Variants in MAGI1 observed in about 807,000 individuals in gnomAD.
MAGI1 encodes membrane-associated guanylate kinase, WW and PDZ domain-containing protein 1.
MAGI1 carries 58 observed loss-of-function variants against 139.9 expected under a neutral mutation model. The observed-to-expected ratio is 0.41, with a 90% CI of 0.34 to 0.52. The LOEUF is 0.52. Ranked by LOEUF, MAGI1 falls within the 20% of genes least tolerant of loss-of-function variation. MAGI1 has a pLI of 0.12. For missense variants in MAGI1, 1,874 were observed against 1,901.6 expected, an observed-to-expected ratio of 0.99 and a Z score of 0.27; for synonymous variants, 812 against 737.9, an observed-to-expected ratio of 1.10 and a Z score of -1.63.
At chr3:66,029,985 T>G (rs1478507341) in intron 1 of MAGI1, among the ~76,000 whole-genome samples, 1 of 152,154 alleles carries the variant, frequency 6.6e-6, no homozygotes, top group Non-Finnish European at 1.5e-5. Flanking sequence ...ACTCAATTAA[T>G]TTTAAAGTCA....
intron 1 of MAGI1, among the ~76,000 whole-genome samples, chr3:65,838,490 T>C (rs2058702323): frequency 1.3e-5 from 2 of 152,248 alleles, no homozygotes. Flanking sequence ...ATACAATATA[T>C]GACCTTTAGA....
intron 4 of MAGI1, among the ~76,000 whole-genome samples, chr3:65,472,702 C>G (rs1366176295): frequency 6.6e-6 from 1 of 152,144 alleles, no homozygotes; most frequent in African/African-American, 2.4e-5. Context: ...GCCAGAGATG[C>G]AAATGAGACG....
intron 1 of MAGI1, among the ~76,000 whole-genome samples, chr3:65,769,078 T>G (rs116718096): frequency 0.031 from 4,695 of 152,300 alleles, 95 homozygotes; most frequent in African/African-American, 0.046. Flanking sequence ...AAATGCCTTT[T>G]TAAAAAAATT....
intron 16 of MAGI1, among the ~76,000 whole-genome samples, chr3:65,381,287 G>A (rs1943028979): frequency 2.0e-5 from 3 of 152,086 alleles, no homozygotes; most frequent in Admixed American, 2.0e-4. Context: ...AATTTCCAAG[G>A]GAAGAAAGTT....
chr3:66,038,417 C>T lies in MAGI1; in HGVS notation c.-109G>A. On this transcript the variant is annotated 5_prime_UTR_variant, in exon 1 of 23. Transcript: ENST00000402939. ...ATGGGAGAAACATCTCTCCCCAAAT[C>T]ACAAAACAGGAGAGAGAAACTTGGC... 1 of 1,423,064 alleles carries T rather than the reference C, an allele frequency of 7.0e-7. No homozygotes were observed. The highest frequency in any genetic ancestry group is 9.3e-7 in the Non-Finnish European group (1 of 1,075,438). The allele number at this position is 1,423,064 out of a possible 1,614,324, so 88.2% of individuals were successfully genotyped here.
At chr3:65,640,332 T>C (rs1324605643) in intron 1 of MAGI1, among the ~76,000 whole-genome samples, 1 of 152,178 alleles carries the variant, frequency 6.6e-6, no homozygotes, top group African/African-American at 2.4e-5. Context: ...TTAATGAATA[T>C]TGCTGGAATG....
chr3:65,816,110 C>T (rs1243078173), intron 1 of MAGI1, among the ~76,000 whole-genome samples: 3 of 152,094 alleles, frequency 2.0e-5, no homozygotes, highest in Non-Finnish European at 2.9e-5. Context: ...CGAGCCCCCT[C>T]CCCCTCCCAA....
At chr3:65,430,219 C>A in intron 11 of MAGI1, 79 bp from the exon 12 acceptor site, 1 of 1,440,588 alleles carries the variant, frequency 6.9e-7, no homozygotes, top group Non-Finnish European at 9.6e-7. Context: ...CTCCCACTAA[C>A]ATAAAGCTGA....
At chr3:65,733,313 G>A (rs2034383442) in intron 1 of MAGI1, among the ~76,000 whole-genome samples, 1 of 152,154 alleles carries the variant, frequency 6.6e-6, no homozygotes, top group South Asian at 2.1e-4. Context: ...GCCCACCTCA[G>A]CCTCCCAAAG....
chr3:65,954,152 C>T (rs1266288652), intron 1 of MAGI1, among the ~76,000 whole-genome samples: 1 of 152,108 alleles, frequency 6.6e-6, no homozygotes, highest in African/African-American at 2.4e-5. Flanking sequence ...AGGCCTGGAT[C>T]GTTCTCAGAT....
intron 1 of MAGI1, chr3:65,687,483 A>G (rs890152583): frequency 2.6e-6 from 1 of 381,994 alleles, no homozygotes; most frequent in Non-Finnish European, 5.3e-6. Flanking sequence ...CTGAAGAGCA[A>G]TCAGGACCCA....
At chr3:65,621,832 T>C in intron 2 of MAGI1, 140 bp downstream of exon 2, 1 of 610,978 alleles carries the variant, frequency 1.6e-6, no homozygotes, top group South Asian at 2.0e-5. Context: ...AATTATGATT[T>C]GCTTGAGTTA....
In MAGI1 at chr3:65,478,666, A is replaced by G; in HGVS notation, c.683T>C (p.Met228Thr). Residue 228 changes from methionine to threonine, a missense_variant, in exon 4 of 23, where the codon ATG (methionine) becomes ACG (threonine). Transcript: ENST00000402939. ...CGCGTGGACTATGCCAGCATTTTGC[A>G]TATCATTGTAGGACTTGGTTCGCTT... ...TPKRTKSYND[M>T]QNAGIVHAEN... 3 of 1,614,008 alleles carry G rather than the reference A, an allele frequency of 1.9e-6. No homozygotes were observed. The highest frequency in any genetic ancestry group is 2.2e-5 in the East Asian group (1 of 44,850).
chr3:65,387,276 C>A, intron 14 of MAGI1: 2 of 1,351,706 alleles, frequency 1.5e-6, no homozygotes, highest in Non-Finnish European at 2.1e-6. Flanking sequence ...CATTCTTTCT[C>A]TTAGTTCACT....
chr3:65,494,247 A>G (rs191758302), intron 2 of MAGI1, among the ~76,000 whole-genome samples: 86 of 152,328 alleles, frequency 5.6e-4, no homozygotes, highest in Admixed American at 1.6e-3. Flanking sequence ...AATTCTGACT[A>G]GGGAGAAAGG....
At chr3:65,671,440 T>A (rs2086851479) in intron 1 of MAGI1, among the ~76,000 whole-genome samples, 1 of 152,152 alleles carries the variant, frequency 6.6e-6, no homozygotes, top group Non-Finnish European at 1.5e-5. Flanking sequence ...CCAAATGAGC[T>A]GGCCAAATGC....
intron 5 of MAGI1, among the ~76,000 whole-genome samples, chr3:65,468,020 C>G (rs1950278880): frequency 6.6e-6 from 1 of 152,282 alleles, no homozygotes; most frequent in South Asian, 2.1e-4. Context: ...TCTATCTCCT[C>G]TAATTCTTAC....
intron 1 of MAGI1, among the ~76,000 whole-genome samples, chr3:65,649,583 T>C (rs898810700): frequency 6.6e-6 from 1 of 152,170 alleles, no homozygotes; most frequent in African/African-American, 2.4e-5. Context: ...TTGCAAACTA[T>C]ATATCTAACA....
intron 1 of MAGI1, among the ~76,000 whole-genome samples, chr3:65,668,059 C>T (rs1299792581): frequency 6.6e-6 from 1 of 152,108 alleles, no homozygotes; most frequent in East Asian, 1.9e-4. Context: ...GAGATTCAGA[C>T]CATGAACTCC....
Sources: allele counts gnomAD v4.1 joint callset (sites outside exome capture counted in the v4.1 genomes callset), GRCh38; gene constraint gnomAD v4.1.1; transcripts MANE v1.5; gene names NCBI Gene and HGNC (gene_info 2026-07-23, HGNC 2026-07-21).